Variants in RHD observed in about 807,000 individuals in gnomAD.
The protein encoded by RHD is blood group Rh(D) polypeptide.
In RHD, 16 loss-of-function variants were observed where a neutral mutation model predicts 45.5. The observed-to-expected ratio is 0.35, with a 90% confidence interval of 0.24 to 0.53. RHD has a LOEUF of 0.53. Among genes scored for constraint, RHD ranks in the 20% least tolerant of loss-of-function variants. The pLI, the probability that RHD is intolerant of heterozygous loss-of-function variation, is 0.92. For synonymous variants in RHD, 131 were observed against 217.5 expected (o/e 0.60, Z 3.50); for missense variants, 306 against 532.0 (o/e 0.58, Z 4.18).
chr1:25,308,900 GT>G (rs1419738059), intron 7 of RHD, among the ~76,000 whole-genome samples: 1 of 131,582 alleles, frequency 7.6e-6, no homozygotes, highest in Admixed American at 7.3e-5. Flanking sequence ...CTAAATCTCA[GT>G]TTTCTATCTG....
intron 2 of RHD, among the ~76,000 whole-genome samples, chr1:25,290,297 A>C (rs1642375040): frequency 8.0e-6 from 1 of 124,840 alleles, no homozygotes; most frequent in African/African-American, 2.8e-5. Flanking sequence ...GCAGAATCCC[A>C]GTTATCAGAT....
At chr1:25,324,287 CTCTGAAAAAAAA>C (rs1198051988) in intron 9 of RHD, among the ~76,000 whole-genome samples, 1 of 106,658 alleles carries the variant, frequency 9.4e-6, no homozygotes, top group Non-Finnish European at 2.0e-5. Context: ...GAGATCCTGT[CTCTGAAAAAAAA>C]TATTTGCTGG....
rs71014352 is a variant in RHD, at chr1:25,329,237, GTT to G, written c.*337_*338del. 0.026 allele frequency: 5,958 copies of G among 228,158 alleles called. 7 individuals carry two copies. The highest frequency in any genetic ancestry group is 0.081 in the African/African-American group (1,808 of 22,220). 14.1% of individuals were successfully genotyped at this position (228,158 alleles called of 1,614,324 possible). ...TAAGGTTAATTTATTATTATTCCTT[GTT>G]TTTTTTTTTTTTTTTTTTTTTTTGA... On this transcript the variant is annotated 3_prime_UTR_variant, in exon 10 of 10. Transcript: ENST00000328664.
rs1261306640 is a variant in RHD at position 25,289,998 on chromosome 1, A to G, written c.336-643A>G. On this transcript the variant is annotated intron_variant, in intron 2 of 9. Coordinates refer to ENST00000328664, the MANE Select transcript of RHD (RefSeq NM_016124.6). ...TGCTAGACACACCGATAGGAAGAAT[A>G]CTCCTTCACATCCCCAGGACACCAA... 3.1e-5 allele frequency among the ~76,000 whole-genome samples: 4 copies of G among 127,126 alleles called. 2 individuals are homozygous for G. The highest frequency in any genetic ancestry group is 8.3e-3 in the Middle Eastern group (2 of 240). The allele number at this position is 127,126 out of a possible 152,430, so 83.4% of individuals were successfully genotyped here. A position where few individuals can be genotyped will look rare whatever the true frequency, so the allele number is the denominator to read the frequency against.
In RHD at chr1:25,290,961, T is replaced by C. The variant is rs1642449370; in HGVS notation, c.486+170T>C. On this transcript the variant is annotated intron_variant, in intron 3 of 9. Coordinates refer to ENST00000328664, the MANE Select transcript of RHD (RefSeq NM_016124.6). Reference sequence around the variant, plus strand: ...GAGTTTGAGACCAGCCTGGGCATCATAGCAAGATCCTCATCTCTAAAAAGT... The same window carrying C: ...GAGTTTGAGACCAGCCTGGGCATCACAGCAAGATCCTCATCTCTAAAAAGT... Among the ~76,000 whole-genome samples, 3 of 130,800 alleles carry C rather than the reference T, an allele frequency of 2.3e-5. 1 individual carries two copies. The highest frequency in any genetic ancestry group is 2.0e-4 in the East Asian group (1 of 5,112). The allele number at this position is 130,800 out of a possible 152,430, so 85.8% of individuals were successfully genotyped here. A position where few individuals can be genotyped will look rare whatever the true frequency, so the allele number is the denominator to read the frequency against.
intron 8 of RHD, among the ~76,000 whole-genome samples, chr1:25,320,990 G>A (rs532707784): frequency 2.3e-5 from 3 of 131,602 alleles, no homozygotes; most frequent in Non-Finnish European, 5.4e-5. Flanking sequence ...GCTGCAATGA[G>A]CTGTGATTGT....
intron 3 of RHD, among the ~76,000 whole-genome samples, chr1:25,298,119 C>G (rs1243291363): frequency 8.7e-6 from 1 of 114,876 alleles, no homozygotes; most frequent in Admixed American, 8.8e-5. Context: ...AGTCTCAATT[C>G]TGTAGTCCAG....
rs1160800848 is a variant in RHD at position 25,306,662 on chromosome 1, G to C, written c.1006G>C (p.Gly336Arg). ...SIMGYNFSLL[G>R]LLGEIIYIVL... ...CATGGGCTACAACTTCAGCTTGCTG[G>C]GTCTGCTTGGAGAGATCATCTACAT... The change falls in exon 7 of 10, where the codon GGT (glycine) becomes CGT (arginine). Residue 336 changes from glycine (G) to arginine (R), a missense_variant. By Grantham distance (125) the Gly-to-Arg change is moderately radical (BLOSUM62 -2). Transcript: ENST00000328664. The C allele has an allele frequency of 1.5e-6, 2 of 1,378,392 alleles. 1 individual carries two copies. Among genetic ancestry groups the C allele is most frequent in the Non-Finnish European group, 2.0e-6 (2 of 979,046 alleles). The allele number at this position is 1,378,392 out of a possible 1,614,324, so 85.4% of individuals were successfully genotyped here. A position where few individuals can be genotyped will look rare whatever the true frequency, so the allele number is the denominator to read the frequency against.
chr1:25,297,480 A>C (rs1242311375), intron 3 of RHD, among the ~76,000 whole-genome samples: 1 of 119,844 alleles, frequency 8.3e-6, no homozygotes, highest in Non-Finnish European at 1.9e-5. Flanking sequence ...TTGATCATCC[A>C]ACTTTCACCC....
At chr1:25,319,603 T>G (rs1182269769) in intron 8 of RHD, among the ~76,000 whole-genome samples, 1 of 131,966 alleles carries the variant, frequency 7.6e-6, no homozygotes, top group South Asian at 2.3e-4. Flanking sequence ...AGCAAGACCC[T>G]GTCTCAAAAA....
intron 7 of RHD, chr1:25,307,048 T>C (rs1643888491): frequency 2.9e-6 from 1 of 339,444 alleles, no homozygotes; most frequent in South Asian, 2.2e-5. Flanking sequence ...CAGGTCGTGA[T>C]GCAGAGCTTT....
chr1:25,308,395 T>C (rs1643960751), intron 7 of RHD, among the ~76,000 whole-genome samples: 2 of 117,400 alleles, frequency 1.7e-5, no homozygotes, highest in South Asian at 2.7e-4. Flanking sequence ...TATCAGTCCA[T>C]GTTTGAACAA....
At position 25,292,068 on chromosome 1, in the gene RHD, C is replaced by A. The variant is rs147553323; in HGVS notation, c.486+1277C>A. On this transcript the variant is annotated intron_variant, in intron 3 of 9. Coordinates refer to ENST00000328664, the MANE Select transcript of RHD (RefSeq NM_016124.6). ...CCTGTGTGACTCTGGGCAATTTAAC[C>A]TCTTAGAGCTTTAGTTTCTTCATCT... Among the ~76,000 whole-genome samples the A allele has an allele frequency of 4.8e-3, 634 of 132,584 alleles. 127 individuals carry two copies. Among genetic ancestry groups the A allele is most frequent in the Admixed American group, 0.037 (505 of 13,592 alleles). The allele number at this position is 132,584 out of a possible 152,430, so 87.0% of individuals were successfully genotyped here.
Position 25,321,334 on chromosome 1 carries a change from C to G in RHD, c.1154-555C>G, listed in dbSNP as rs1272686818. 1.4e-4 allele frequency among the ~76,000 whole-genome samples: 17 copies of G among 119,742 alleles called. 4 individuals are homozygous for G. Among genetic ancestry groups the G allele is most frequent in the Non-Finnish European group, 2.5e-4 (13 of 51,310 alleles). The allele number at this position is 119,742 out of a possible 152,430, so 78.6% of individuals were successfully genotyped here. ...ATGTACTGCTCAGTACACTGCCATT[C>G]CCAGTTCTTTTTTTCAAAAAAAAAA... On this transcript the variant is annotated intron_variant, in intron 8 of 9. Transcript: ENST00000328664.
chr1:25,285,705 C>T (rs1418281040), intron 2 of RHD, among the ~76,000 whole-genome samples: 1 of 135,280 alleles, frequency 7.4e-6, no homozygotes, highest in Non-Finnish European at 1.8e-5. Flanking sequence ...GATTACACAT[C>T]AAGCTATACA....
chr1:25,280,261 C>G lies in RHD; in HGVS notation c.149-4312C>G, dbSNP rs190593087. Reference sequence around the variant, plus strand: ...AGGGAATCGGGATCAGGGGCAGCAGCTGTGCCCAATAAAGCCCCCACCCAG... The same window carrying G: ...AGGGAATCGGGATCAGGGGCAGCAGGTGTGCCCAATAAAGCCCCCACCCAG... On this transcript the variant is annotated intron_variant, in intron 1 of 9. Transcript: ENST00000328664. Among the ~76,000 whole-genome samples the G allele has an allele frequency of 3.1e-4, 40 of 127,076 alleles. 5 individuals carry two copies. The highest frequency in any genetic ancestry group is 2.9e-3 in the Admixed American group (38 of 13,120). The allele number at this position is 127,076 out of a possible 152,430, so 83.4% of individuals were successfully genotyped here.
rs1239950090 is a variant in RHD, at chr1:25,305,481, C to T, written c.940-1115C>T. 1.3e-4 allele frequency among the ~76,000 whole-genome samples: 2 copies of T among 15,732 alleles called. 1 individual carries two copies. 10.3% of individuals were successfully genotyped at this position (15,732 alleles called of 152,430 possible). A position where few individuals can be genotyped will look rare whatever the true frequency, so the allele number is the denominator to read the frequency against. Reference sequence around the variant, plus strand: ...GTGCAATCTCAGCTCACTGCAACCTCCACCTCCTGGGTTCAAGTGATTCTC... The same window carrying T: ...GTGCAATCTCAGCTCACTGCAACCTTCACCTCCTGGGTTCAAGTGATTCTC... On this transcript the variant is annotated intron_variant, in intron 6 of 9. Coordinates refer to ENST00000328664, the MANE Select transcript of RHD (RefSeq NM_016124.6).
chr1:25,299,744 T>C (rs1231958433), intron 3 of RHD, among the ~76,000 whole-genome samples: 1 of 132,588 alleles, frequency 7.5e-6, no homozygotes, highest in East Asian at 2.0e-4. Flanking sequence ...ATGATCTGAC[T>C]TGCATTTTAT....
rs146556319 is a variant in RHD at position 25,313,823 on chromosome 1, G to T, written c.1074-3177G>T. ...TTTATAATATGAGTTTCCTATGCCTGAGAAAGCTGACTTGCAAGAAAATGA... is the reference window on the plus strand; with the variant it reads ...TTTATAATATGAGTTTCCTATGCCTTAGAAAGCTGACTTGCAAGAAAATGA... On this transcript the variant is annotated intron_variant, in intron 7 of 9. Transcript: ENST00000328664. 8.1e-4 allele frequency among the ~76,000 whole-genome samples: 108 copies of T among 132,948 alleles called. 16 individuals carry two copies. Among genetic ancestry groups the T allele is most frequent in the African/African-American group, 2.6e-3 (101 of 39,052 alleles). The allele number at this position is 132,948 out of a possible 152,430, so 87.2% of individuals were successfully genotyped here.
Sources: gnomAD v4.1 joint callset for allele counts (sites outside exome capture counted in the v4.1 genomes callset) on GRCh38, gnomAD v4.1.1 for gene constraint, MANE v1.5 for transcripts, NCBI Gene and HGNC (gene_info 2026-07-23, HGNC 2026-07-21) for gene names.